The following FMN2 variants were observed in gnomAD, a reference collection of about 807,000 sequenced individuals.
FMN2 encodes the protein formin 2, also known as formin-2.
A neutral mutation model predicts 142.3 loss-of-function variants in FMN2; 51 were observed. That is an observed-to-expected ratio of 0.36 (90% confidence interval 0.29 to 0.45). The LOEUF (loss-of-function observed/expected upper bound fraction) is 0.45. Among genes scored for constraint, FMN2 ranks in the 20% least tolerant of loss-of-function variants. The pLI is 1.00. For missense variants in FMN2, 1,936 were observed against 2,122.8 expected, an observed-to-expected ratio of 0.91 and a Z score of 1.73; for synonymous variants, 882 against 869.8, an observed-to-expected ratio of 1.01 and a Z score of -0.25.
intron 1 of FMN2, among the ~76,000 whole-genome samples, chr1:240,114,958 T>G (rs1661965753): frequency 6.6e-6 from 1 of 152,182 alleles, no homozygotes; most frequent in African/African-American, 2.4e-5. Context: ...GCCCGGCCAA[T>G]TCTATCATTC....
intron 6 of FMN2, among the ~76,000 whole-genome samples, chr1:240,257,265 A>G (rs765945265): frequency 6.6e-6 from 1 of 152,108 alleles, no homozygotes; most frequent in African/African-American, 2.4e-5. Context: ...GTGTGCCCTG[A>G]TTCTTTAAGA....
rs185716065 is a variant in FMN2 at position 240,138,538 on chromosome 1, A to G, written c.1782+15193A>G. Reference sequence around the variant, plus strand: ...AAATTGGTGAAACCTCATCTCTACTAAAAAAAAAAAATACAAACATTAGTC... The same window carrying G: ...AAATTGGTGAAACCTCATCTCTACTGAAAAAAAAAAATACAAACATTAGTC... On this transcript the variant is annotated intron_variant, in intron 2 of 17. Transcript: ENST00000319653. 3.8e-3 allele frequency among the ~76,000 whole-genome samples: 548 copies of G among 144,198 alleles called. 12 individuals carry two copies. The highest frequency in any genetic ancestry group is 0.034 in the Admixed American group (488 of 14,398). 94.6% of individuals were successfully genotyped at this position (144,198 alleles called of 152,430 possible).
intron 4 of FMN2, among the ~76,000 whole-genome samples, chr1:240,202,888 G>C (rs1029870897): frequency 6.6e-6 from 1 of 152,124 alleles, no homozygotes; most frequent in African/African-American, 2.4e-5. Context: ...TTTACAAACT[G>C]AGTTTTGGAA....
intron 15 of FMN2, among the ~76,000 whole-genome samples, chr1:240,411,343 C>G (rs1674381277): frequency 6.6e-6 from 1 of 152,124 alleles, no homozygotes; most frequent in African/African-American, 2.4e-5. Context: ...GAGGCTGAGA[C>G]AGGCGGATCA....
Position 240,438,094 on chromosome 1 carries a change from A to C in FMN2, c.4944A>C (p.Lys1648Asn). Residue 1648 changes from lysine (K) to asparagine (N), a missense_variant, in exon 16 of 18, where the codon AAA (lysine) becomes AAC (asparagine). Physicochemically the swap from Lys to Asn is moderately conservative, Grantham distance 94. Around this residue, in one of 8 missense-constraint regions of FMN2, gnomAD observed 322 missense variants for 401.6 expected, o/e 0.80. Coordinates refer to ENST00000319653, the MANE Select transcript of FMN2 (RefSeq NM_020066.5). ...AGACCACGGCATATTTCTTCATGAAACCAAAACTTGGAGAGAAGGAGGTGT... is the reference window on the plus strand; with the variant it reads ...AGACCACGGCATATTTCTTCATGAACCCAAAACTTGGAGAGAAGGAGGTGT... ...FLETTAYFFM[K>N]PKLGEKEVSP... 6.2e-7 allele frequency: 1 copy of C among 1,614,050 alleles called. No homozygotes were observed. Among genetic ancestry groups the C allele is most frequent in the Non-Finnish European group, 8.5e-7 (1 of 1,179,996 alleles).
At chr1:240,427,625 A>C (rs904226802) in intron 15 of FMN2, among the ~76,000 whole-genome samples, 2 of 152,116 alleles carry the variant, frequency 1.3e-5, no homozygotes, top group African/African-American at 4.8e-5. Flanking sequence ...ACTTTTTTCT[A>C]CTTAAAATTG....
intron 8 of FMN2, among the ~76,000 whole-genome samples, chr1:240,296,082 A>G (rs868374755): frequency 1.9e-4 from 29 of 152,210 alleles, no homozygotes; most frequent in African/African-American, 2.4e-4. Flanking sequence ...ACTCAGGGTC[A>G]CATAGCTAGT....
At chr1:240,336,026 C>T (rs1288168095) in intron 13 of FMN2, among the ~76,000 whole-genome samples, 1 of 151,996 alleles carries the variant, frequency 6.6e-6, no homozygotes, top group Non-Finnish European at 1.5e-5. Flanking sequence ...ATCTGTAATC[C>T]CAGCTACTTG....
chr1:240,347,663 C>T (rs1486914554), intron 13 of FMN2, among the ~76,000 whole-genome samples: 1 of 152,122 alleles, frequency 6.6e-6, no homozygotes, highest in Admixed American at 6.6e-5. Flanking sequence ...TAGTACCCAA[C>T]AGGTAGTTTT....
intron 1 of FMN2, among the ~76,000 whole-genome samples, chr1:240,100,262 A>G (rs951862207): frequency 1.3e-5 from 2 of 152,216 alleles, no homozygotes; most frequent in Non-Finnish European, 2.9e-5. Flanking sequence ...CCTTCCAAAT[A>G]TAAATGTTAT....
intron 16 of FMN2, among the ~76,000 whole-genome samples, chr1:240,453,202 C>T (rs1676117526): frequency 6.6e-6 from 1 of 152,118 alleles, no homozygotes; most frequent in African/African-American, 2.4e-5. Context: ...AATATATTAA[C>T]GTTGTTTGAA....
In FMN2 at chr1:240,211,185, G is replaced by A; in HGVS notation, c.4015G>A (p.Glu1339Lys). The A allele has an allele frequency of 6.2e-7, 1 of 1,613,052 alleles. No homozygotes were observed. Among genetic ancestry groups the A allele is most frequent in the African/African-American group, 1.3e-5 (1 of 75,024 alleles). ...EELFSKTAVK[E>K]RKKPISDTIS... ...ATTATTTTCTAAAACTGCTGTAAAG[G>A]AGAGAAAGAAACCTATCTCTGATAC... is the stretch of plus-strand genomic sequence containing the variant. The change falls in exon 6 of 18, where the codon GAG becomes AAG. Residue 1339 changes from glutamate to lysine, a missense_variant. Transcript: ENST00000319653.
At position 240,232,415 on chromosome 1, in the gene FMN2, A is replaced by C. The variant is rs186526390; in HGVS notation, c.4065+21180A>C. Among the ~76,000 whole-genome samples, 3 of 152,204 alleles carry C rather than the reference A, an allele frequency of 2.0e-5. No individual in the cohort carries two copies. In the East Asian group the frequency reaches 5.8e-4, roughly 29 times the overall value. ...TCTTTTTCTTAATTTGAAATTATGC[A>C]ACACTATGGAGTTGAAAACCTACTT... On this transcript the variant is annotated intron_variant, in intron 6 of 17. Coordinates refer to ENST00000319653, the MANE Select transcript of FMN2 (RefSeq NM_020066.5).
At chr1:240,211,931 C>G (rs1331063646) in intron 6 of FMN2, among the ~76,000 whole-genome samples, 1 of 152,120 alleles carries the variant, frequency 6.6e-6, no homozygotes, top group Non-Finnish European at 1.5e-5. Context: ...AGTAAAACCT[C>G]ATGATAATGA....
intron 7 of FMN2, among the ~76,000 whole-genome samples, chr1:240,259,608 T>G (rs941183864): frequency 6.6e-6 from 1 of 151,704 alleles, no homozygotes; most frequent in Non-Finnish European, 1.5e-5. Context: ...GATTTACATG[T>G]GTGAATCGCT....
chr1:240,406,353 TGGGGGGAG>T (rs1674199087), intron 15 of FMN2, among the ~76,000 whole-genome samples: 1 of 46,976 alleles, frequency 2.1e-5, no homozygotes, highest in Non-Finnish European at 4.8e-5. Context: ...GCCTCGGGAG[TGGGGGGAG>T]CGAAGGGAAG....
intron 14 of FMN2, among the ~76,000 whole-genome samples, chr1:240,367,487 C>T (rs556350457): frequency 7.2e-5 from 11 of 151,896 alleles, no homozygotes; most frequent in East Asian, 1.9e-4. Context: ...TTAAGAAATC[C>T]GGCGGGGGGC....
chr1:240,376,123 T>A (rs972844011), intron 14 of FMN2, among the ~76,000 whole-genome samples: 1 of 152,142 alleles, frequency 6.6e-6, no homozygotes, highest in Non-Finnish European at 1.5e-5. Context: ...GATTTGCCTA[T>A]TTTTAATACA....
At chr1:240,343,885 C>A (rs1392395110) in intron 13 of FMN2, among the ~76,000 whole-genome samples, 1 of 151,916 alleles carries the variant, frequency 6.6e-6, no homozygotes, top group African/African-American at 2.4e-5. Flanking sequence ...TTGATTGGGT[C>A]GGCGGGGAGT....
Sources: gnomAD v4.1 joint callset for allele counts (sites outside exome capture counted in the v4.1 genomes callset) on GRCh38, gnomAD v4.1.1 for gene constraint, gnomAD v4.1.1 regional missense constraint, MANE v1.5 for transcripts, NCBI Gene and HGNC (gene_info 2026-07-23, HGNC 2026-07-21) for gene names.